Variants in CREB3L1 observed in about 807,000 individuals in gnomAD.
CREB3L1 encodes the protein cAMP responsive element binding protein 3 like 1, also known as cyclic AMP-responsive element-binding protein 3-like protein 1.
In CREB3L1, 33 loss-of-function variants were observed where a neutral mutation model predicts 54.5. That is an observed-to-expected ratio of 0.61 (90% CI 0.46 to 0.81). CREB3L1 has a LOEUF of 0.81. Ranked by LOEUF, CREB3L1 falls within the 30% of genes least tolerant of loss-of-function variation. The pLI, the probability that CREB3L1 is intolerant of heterozygous loss-of-function variation, is 0.00. For synonymous variants in CREB3L1, 284 were observed against 286.4 expected (o/e 0.99, Z 0.08); for missense variants, 656 against 673.3 (o/e 0.97, Z 0.29).
At chr11:46,285,375 C>A (rs944638521) in intron 1 of CREB3L1, among the ~76,000 whole-genome samples, 1 of 152,130 alleles carries the variant, frequency 6.6e-6, no homozygotes, top group African/African-American at 2.4e-5. Context: ...CTCTGTGTAA[C>A]CCTCTTGAGC....
intron 2 of CREB3L1, among the ~76,000 whole-genome samples, chr11:46,303,108 C>A (rs1311032730): frequency 1.3e-5 from 2 of 152,284 alleles, no homozygotes; most frequent in East Asian, 3.9e-4. Context: ...TTGCCACCAC[C>A]ACATTTGCCA....
At chr11:46,279,525 G>A (rs781651890) in intron 1 of CREB3L1, among the ~76,000 whole-genome samples, 6 of 152,206 alleles carry the variant, frequency 3.9e-5, no homozygotes, top group South Asian at 2.1e-4. Flanking sequence ...TGACTGCAGC[G>A]AGACTTGGTT....
intron 2 of CREB3L1, among the ~76,000 whole-genome samples, chr11:46,307,376 C>T (rs762725854): frequency 1.6e-4 from 24 of 152,308 alleles, no homozygotes; most frequent in Non-Finnish European, 2.9e-4. Flanking sequence ...AGGAGTGAGC[C>T]ACGGCGCTCA....
chr11:46,316,832 A>G (rs964629737), intron 9 of CREB3L1, among the ~76,000 whole-genome samples: 8 of 151,952 alleles, frequency 5.3e-5, no homozygotes, highest in African/African-American at 1.9e-4. Context: ...TCCCTCTTCT[A>G]TCTTCTTCTG....
At chr11:46,306,187 G>A (rs1034366402) in intron 2 of CREB3L1, among the ~76,000 whole-genome samples, 3 of 152,280 alleles carry the variant, frequency 2.0e-5, no homozygotes, top group African/African-American at 7.2e-5. Flanking sequence ...GATTATAGGC[G>A]TGAGCTACCG....
At chr11:46,315,586 C>A in intron 8 of CREB3L1, 1 of 188,232 alleles carries the variant, frequency 5.3e-6, no homozygotes, top group Non-Finnish European at 1.1e-5. Context: ...AATCCCAACA[C>A]TTTGGGAGGC....
chr11:46,297,113 C>T (rs888856491), intron 1 of CREB3L1, among the ~76,000 whole-genome samples: 3 of 152,234 alleles, frequency 2.0e-5, no homozygotes, highest in Non-Finnish European at 4.4e-5. Context: ...CCACTGGGCC[C>T]AACACCAGGC....
chr11:46,281,929 G>A (rs1938981681), intron 1 of CREB3L1, among the ~76,000 whole-genome samples: 1 of 152,150 alleles, frequency 6.6e-6, no homozygotes, highest in Non-Finnish European at 1.5e-5. Context: ...CCTACTGGAG[G>A]AGCCCAAATC....
rs533443309 is a variant in CREB3L1 at position 46,321,062 on chromosome 11, A to T, written c.*316A>T. ...CCCCCACACCTGCACCCAAACAGACACATCAACGCACCCCACTCACAGACA... is the reference window on the plus strand; with the variant it reads ...CCCCCACACCTGCACCCAAACAGACTCATCAACGCACCCCACTCACAGACA... On this transcript the variant is annotated 3_prime_UTR_variant, in exon 12 of 12. Transcript: ENST00000621158. The T allele has an allele frequency of 8.1e-5, 46 of 570,858 alleles. 1 individual carries two copies. The South Asian group carries it at 8.4e-4, about 10-fold the overall frequency. 35.4% of individuals were successfully genotyped at this position (570,858 alleles called of 1,614,324 possible). A position where few individuals can be genotyped will look rare whatever the true frequency, so the allele number is the denominator to read the frequency against.
intron 8 of CREB3L1, 71 bp from the exon 9 acceptor site, chr11:46,316,203 GAGCCAGCCCCCT>G: frequency 1.2e-6 from 1 of 858,006 alleles, no homozygotes; most frequent in Non-Finnish European, 1.9e-6. Context: ...GCCAAGTCTG[GAGCCAGCCCCCT>G]AGGAGAGCTC....
At chr11:46,312,587 C>G (rs1388438386) in intron 6 of CREB3L1, 25 bp from the exon 7 acceptor site, 1 of 1,609,606 alleles carries the variant, frequency 6.2e-7, no homozygotes, top group Non-Finnish European at 8.5e-7. Context: ...AGTGCTAACC[C>G]TTGTTTTCGG....
Position 46,277,809 on chromosome 11 carries a change from G to A in CREB3L1, c.-303G>A, listed in dbSNP as rs1008621704. ...TCCTGAAGCCCTCAGCCCCAACCCCGGGCTCCCCATGGAAGCCAGCTGTGC... is the reference window on the plus strand; with the variant it reads ...TCCTGAAGCCCTCAGCCCCAACCCCAGGCTCCCCATGGAAGCCAGCTGTGC... On this transcript the variant is annotated 5_prime_UTR_variant, in exon 1 of 12. Transcript: ENST00000621158. The A allele has an allele frequency of 3.4e-6, 1 of 290,832 alleles. No individual in the cohort carries two copies. Among genetic ancestry groups the A allele is most frequent in the Non-Finnish European group, 6.4e-6 (1 of 156,542 alleles). 18.0% of individuals were successfully genotyped at this position (290,832 alleles called of 1,614,324 possible). A position where few individuals can be genotyped will look rare whatever the true frequency, so the allele number is the denominator to read the frequency against.
intron 1 of CREB3L1, among the ~76,000 whole-genome samples, chr11:46,284,621 T>C (rs1939029329): frequency 6.8e-6 from 1 of 147,518 alleles, no homozygotes; most frequent in Non-Finnish European, 1.5e-5. Context: ...ACCATTGCAC[T>C]CCAGTCTGGG....
At chr11:46,305,360 G>A (rs1313338387) in intron 2 of CREB3L1, among the ~76,000 whole-genome samples, 3 of 151,724 alleles carry the variant, frequency 2.0e-5, no homozygotes, top group East Asian at 1.9e-4. Context: ...CCCCACCGCC[G>A]CCTCCTCCAC....
rs564020302 is a variant in CREB3L1, at chr11:46,321,248, G to C, written c.*502G>C. On this transcript the variant is annotated 3_prime_UTR_variant, in exon 12 of 12. Transcript: ENST00000621158. ...GTTTTATATTTTATGAAGTTAGTGC[G>C]GGCTTTGCTGCTCCCTGGCCCAGGA... 6.6e-6 allele frequency: 2 copies of C among 304,732 alleles called. No individual in the cohort carries two copies. The highest frequency in any genetic ancestry group is 5.7e-5 in the South Asian group (1 of 17,402). The allele number at this position is 304,732 out of a possible 1,614,324, so 18.9% of individuals were successfully genotyped here. A position where few individuals can be genotyped will look rare whatever the true frequency, so the allele number is the denominator to read the frequency against.
At chr11:46,309,732 C>T (rs1314140875) in intron 3 of CREB3L1, among the ~76,000 whole-genome samples, 1 of 152,262 alleles carries the variant, frequency 6.6e-6, no homozygotes, top group Non-Finnish European at 1.5e-5. Flanking sequence ...TGGCCCCACA[C>T]TCAGAGGCTC....
At chr11:46,280,503 C>G (rs1331142111) in intron 1 of CREB3L1, among the ~76,000 whole-genome samples, 1 of 152,102 alleles carries the variant, frequency 6.6e-6, no homozygotes, top group Non-Finnish European at 1.5e-5. Context: ...AGTGACTTTT[C>G]TTCTTCTGGG....
At chr11:46,304,398 G>A (rs1590345916) in intron 2 of CREB3L1, among the ~76,000 whole-genome samples, 1 of 152,278 alleles carries the variant, frequency 6.6e-6, no homozygotes, top group Non-Finnish European at 1.5e-5. Context: ...GTGAACCCGG[G>A]AGGCAGAGGT....
intron 1 of CREB3L1, among the ~76,000 whole-genome samples, chr11:46,284,970 C>T (rs1037451149): frequency 6.6e-6 from 1 of 152,196 alleles, no homozygotes; most frequent in Admixed American, 6.5e-5. Context: ...TAAGCTCCCA[C>T]ATCCCATTTC....
Sources: gnomAD v4.1 joint callset for allele counts (sites outside exome capture counted in the v4.1 genomes callset) on GRCh38, gnomAD v4.1.1 for gene constraint, MANE v1.5 for transcripts, NCBI Gene and HGNC (gene_info 2026-07-23, HGNC 2026-07-21) for gene names.